Variants in CFAP47 observed in about 807,000 individuals in gnomAD.
CFAP47 encodes the protein cilia- and flagella-associated protein 47.
A neutral mutation model predicts 148.1 loss-of-function variants in CFAP47; 29 were observed. The observed-to-expected ratio is 0.20, with a 90% CI of 0.15 to 0.27. The LOEUF is 0.27. CFAP47 is among the 10% of genes least tolerant of loss of function. CFAP47 has a pLI of 1.00. For missense variants in CFAP47, 1,872 were observed against 1,697.5 expected (o/e 1.10, Z -1.81); for synonymous variants, 664 against 577.3 (o/e 1.15, Z -2.15).
intron 33 of CFAP47, among the ~76,000 whole-genome samples, chrX:36,132,448 G>T (rs1014380031): frequency 7.3e-4 from 81 of 111,698 alleles, no homozygotes; most frequent in African/African-American, 2.5e-3. Context: ...GTTGGGTGAG[G>T]CCAGAAATTC....
At position 36,319,260 on chromosome X, in the gene CFAP47, T is replaced by C. The variant is rs781822642; in HGVS notation, c.8396T>C (p.Ile2799Thr). 2 of 1,125,914 alleles carry C rather than the reference T, an allele frequency of 1.8e-6. No homozygotes were observed. Among genetic ancestry groups the C allele is most frequent in the Non-Finnish European group, 2.4e-6 (2 of 845,672 alleles). The allele number at this position is 1,125,914 out of a possible 1,213,427, so 92.8% of individuals were successfully genotyped here. The part of the protein sequence containing the change: ...LVMDHCWDSF[I>T]YESSAFRFSS... Reference sequence around the variant, plus strand: ...ATGGATCATTGCTGGGATAGCTTCATCTATGAGAGTTCTGCCTTCAGATTT... The same window carrying C: ...ATGGATCATTGCTGGGATAGCTTCACCTATGAGAGTTCTGCCTTCAGATTT... The change falls in exon 57 of 64, where the codon ATC becomes ACC. Residue 2799 changes from isoleucine to threonine, a missense_variant. By Grantham distance (89) the Ile-to-Thr change is moderately conservative. Coordinates refer to ENST00000378653, the MANE Select transcript of CFAP47 (RefSeq NM_001304548.2).
intron 23 of CFAP47, among the ~76,000 whole-genome samples, chrX:36,031,983 T>TA (rs1268550087): frequency 1.8e-5 from 2 of 110,667 alleles, no homozygotes; most frequent in Non-Finnish European, 3.8e-5. Flanking sequence ...CTTGCATTAA[T>TA]AAAAAAATAG....
chrX:35,967,647 G>A lies in CFAP47; in HGVS notation c.1629G>A (p.Thr543=), dbSNP rs375664079. Residue 543 remains threonine, a synonymous_variant, in exon 10 of 64, where the codon ACG becomes ACA. Coordinates refer to ENST00000378653, the MANE Select transcript of CFAP47 (RefSeq NM_001304548.2). ...TATTGCCTTCGATCCGTAATCCCAC[G>A]GGAAAGTTTGTGGTCAAAGACTTGG... The part of the protein sequence containing the change: ...PGILPSIRNP[T]GKFVVKDLAK... The A allele has an allele frequency of 7.5e-6, 9 of 1,205,897 alleles. No individual in the cohort carries two copies. In the African/African-American group the frequency reaches 1.1e-4, roughly 14 times the overall value.
chrX:35,981,149 G>A (rs938873917), intron 15 of CFAP47, among the ~76,000 whole-genome samples: 13 of 109,053 alleles, frequency 1.2e-4, no homozygotes, highest in African/African-American at 4.0e-4. Context: ...TATAAACAGC[G>A]TAAAGGAGGA....
rs1423678323 is a variant in CFAP47, at chrX:35,967,835, A to G, written c.1814+3A>G. On this transcript the variant is annotated splice_donor_region_variant and intron_variant, in intron 10 of 63. Coordinates refer to ENST00000378653, the MANE Select transcript of CFAP47 (RefSeq NM_001304548.2). ...AAAGACCATCATAAACATTTCAGGT[A>G]ACATGAAATATTAAAACCCTGAAAT... The G allele has an allele frequency of 2.6e-6, 3 of 1,173,118 alleles. No individual in the cohort carries two copies. In the African/African-American group the frequency reaches 5.4e-5, roughly 21 times the overall value.
intron 46 of CFAP47, among the ~76,000 whole-genome samples, chrX:36,230,710 C>T (rs1488700121): frequency 1.9e-4 from 21 of 109,155 alleles, no homozygotes; most frequent in African/African-American, 6.5e-4. Flanking sequence ...AATGGTAATG[C>T]CTAGGTTTTC....
intron 57 of CFAP47, among the ~76,000 whole-genome samples, chrX:36,344,476 T>C (rs1480243194): frequency 9.0e-6 from 1 of 111,449 alleles, no homozygotes; most frequent in African/African-American, 3.3e-5. Context: ...GTGAATTCAA[T>C]AATGAACTTC....
intron 56 of CFAP47, among the ~76,000 whole-genome samples, chrX:36,317,449 G>A (rs782371341): frequency 1.8e-5 from 2 of 108,318 alleles, no homozygotes; most frequent in Non-Finnish European, 3.8e-5. Context: ...TCACTCTGTC[G>A]CCCAGACTGG....
At chrX:36,189,003 A>G (rs1432008040) in intron 41 of CFAP47, among the ~76,000 whole-genome samples, 1 of 111,309 alleles carries the variant, frequency 9.0e-6, no homozygotes, top group East Asian at 2.8e-4. Context: ...TATTTTGGGG[A>G]CAGGTATCAC....
At chrX:36,279,125 G>T (rs1556003150) in intron 49 of CFAP47, among the ~76,000 whole-genome samples, 1 of 111,844 alleles carries the variant, frequency 8.9e-6, no homozygotes, top group Non-Finnish European at 1.9e-5. Flanking sequence ...GTGACCAACA[G>T]TATCTTACTG....
At chrX:36,139,130 G>A (rs754534831) in intron 35 of CFAP47, among the ~76,000 whole-genome samples, 1 of 111,188 alleles carries the variant, frequency 9.0e-6, no homozygotes, top group Non-Finnish European at 1.9e-5. Flanking sequence ...TGTTAATAAT[G>A]GTCTATGAAA....
At position 36,379,466 on chromosome X, in the gene CFAP47, G is replaced by A. The variant is rs267606445; in HGVS notation, c.9302G>A (p.Gly3101Glu). The change falls in exon 63 of 64, where the codon GGA (glycine) becomes GAA (glutamate). Residue 3101 changes from glycine to glutamate, a missense_variant. Physicochemically the swap from Gly to Glu is moderately conservative, Grantham distance 98. Transcript: ENST00000378653. ...ACAAACGGAACTCTCATCACTGTAG[G>A]ATTTAAACCTAAAATGTACTGTAGG... ...FNTNGTLITV[G>E]FKPKMYCRKY... 1 of 1,164,245 alleles carries A rather than the reference G, an allele frequency of 8.6e-7. No individual in the cohort carries two copies. The highest frequency in any genetic ancestry group is 1.1e-6 in the Non-Finnish European group (1 of 869,748).
At chrX:36,224,406 C>A (rs184463197) in intron 45 of CFAP47, among the ~76,000 whole-genome samples, 30 of 111,410 alleles carry the variant, frequency 2.7e-4, no homozygotes, top group African/African-American at 9.8e-4. Flanking sequence ...GTATGTTTCT[C>A]TGCAGTTAGG....
At position 36,144,617 on chromosome X, in the gene CFAP47, G is replaced by A. The variant is rs1055906794; in HGVS notation, c.5536-602G>A. 3.9e-6 allele frequency: 4 copies of A among 1,026,355 alleles called. No homozygotes were observed. In the East Asian group the frequency reaches 2.4e-4, roughly 63 times the overall value. The allele number at this position is 1,026,355 out of a possible 1,213,427, so 84.6% of individuals were successfully genotyped here. ...ATGCAGGAGTCAGTGGCCTGAGAAA[G>A]GAAGATATGCCCTCAGTGTGGGTTG... On this transcript the variant is annotated intron_variant, in intron 35 of 63. Coordinates refer to ENST00000378653, the MANE Select transcript of CFAP47 (RefSeq NM_001304548.2).
intron 57 of CFAP47, among the ~76,000 whole-genome samples, chrX:36,341,099 G>A (rs1401681586): frequency 5.8e-5 from 6 of 103,473 alleles, no homozygotes; most frequent in African/African-American, 1.8e-4. Context: ...GCAGTGGTGC[G>A]ATCTCGGCTC....
chrX:35,972,193 C>G (rs1936504519), intron 13 of CFAP47, among the ~76,000 whole-genome samples: 1 of 109,448 alleles, frequency 9.1e-6, no homozygotes, highest in East Asian at 2.9e-4. Context: ...GCTGCCATCA[C>G]TCTCATGCCC....
chrX:35,958,181 A>C (rs1428283802), intron 8 of CFAP47, among the ~76,000 whole-genome samples: 2 of 111,702 alleles, frequency 1.8e-5, no homozygotes, highest in Non-Finnish European at 1.9e-5. Flanking sequence ...TAATATTTTC[A>C]AGGTTCATGC....
At chrX:35,937,104 G>GTTTTTT (rs377601530) in intron 2 of CFAP47, among the ~76,000 whole-genome samples, 3 of 55,543 alleles carry the variant, frequency 5.4e-5, no homozygotes, top group Admixed American at 2.0e-4. Context: ...TGCAATTGCT[G>GTTTTTT]TTTTTTTTTT....
intron 9 of CFAP47, 64 bp downstream of exon 9, chrX:35,966,818 A>G (rs1174922270): frequency 2.4e-6 from 2 of 822,638 alleles, no homozygotes; most frequent in Middle Eastern, 3.1e-4. Flanking sequence ...GATTATTTTA[A>G]TATACTAATT....
Sources: gnomAD v4.1 joint callset for allele counts (sites outside exome capture counted in the v4.1 genomes callset) on GRCh38, gnomAD v4.1.1 for gene constraint, MANE v1.5 for transcripts, NCBI Gene and HGNC (gene_info 2026-07-23, HGNC 2026-07-21) for gene names.